Variants in ATP2B2 observed in about 807,000 individuals in gnomAD.
ATP2B2 encodes the protein ATPase plasma membrane Ca2+ transporting 2, also known as plasma membrane calcium-transporting ATPase 2.
ATP2B2 carries 15 observed loss-of-function variants against 120.0 expected under a neutral mutation model. The observed-to-expected ratio is 0.12, with a 90% CI of 0.08 to 0.19. ATP2B2 has a LOEUF of 0.19. ATP2B2 is among the 10% of genes least tolerant of loss of function. The pLI, the probability that ATP2B2 is intolerant of heterozygous loss-of-function variation, is 1.00. For missense variants in ATP2B2, 1,045 were observed against 1,719.8 expected (o/e 0.61, Z 6.94); for synonymous variants, 694 against 700.3 (o/e 0.99, Z 0.14).
At chr3:10,468,703 G>A (rs926473418) in intron 1 of ATP2B2, among the ~76,000 whole-genome samples, 4 of 152,226 alleles carry the variant, frequency 2.6e-5, no homozygotes. Context: ...AGACGGTGCT[G>A]GGACCAGGGT....
intron 2 of ATP2B2, among the ~76,000 whole-genome samples, chr3:10,617,281 G>A (rs1164605101): frequency 6.6e-6 from 1 of 152,196 alleles, no homozygotes; most frequent in African/African-American, 2.4e-5. Context: ...AGTAGGTTAT[G>A]CCACTCTCAG....
At chr3:10,480,849 C>G (rs1046814133) in intron 1 of ATP2B2, among the ~76,000 whole-genome samples, 16 of 152,232 alleles carry the variant, frequency 1.1e-4, no homozygotes, top group Admixed American at 1.0e-3. Flanking sequence ...ACATCATTGT[C>G]CTGCTTAAAA....
In ATP2B2 at chr3:10,338,181, T is replaced by C. The variant is rs774850425; in HGVS notation, c.3415A>G (p.Thr1139Ala). 6.2e-7 allele frequency: 1 copy of C among 1,613,874 alleles called. No homozygotes were observed. Among genetic ancestry groups the C allele is most frequent in the African/African-American group, 1.3e-5 (1 of 74,910 alleles). Reference protein sequence around the residue: ...LWFRGLNRIQTQIRVVKAFRS... With the variant: ...LWFRGLNRIQAQIRVVKAFRS... The stretch of plus-strand genomic sequence containing the variant: ...CCCCCAAGAGCCTCCTGTACCTGTG[T>C]CTGGATCCGATTCAGGCCTCGGAAC... The change falls in exon 22 of 23, where the codon ACA becomes GCA. Residue 1139 changes from threonine to alanine, a missense_variant. Thr to Ala is a moderately conservative substitution (Grantham distance 58, BLOSUM62 0). This residue lies in a region of ATP2B2 where 211 missense variants were observed against 385.1 expected (regional missense o/e 0.55). Transcript: ENST00000360273.
intron 16 of ATP2B2, among the ~76,000 whole-genome samples, chr3:10,348,965 C>T (rs373550045): frequency 6.6e-6 from 1 of 152,208 alleles, no homozygotes; most frequent in African/African-American, 2.4e-5. Flanking sequence ...GTTTCTCTCC[C>T]CAGGCCAGAT....
intron 2 of ATP2B2, among the ~76,000 whole-genome samples, chr3:10,416,403 G>T (rs1206825443): frequency 1.3e-5 from 2 of 152,064 alleles, no homozygotes; most frequent in Non-Finnish European, 2.9e-5. Context: ...GCCAATTCTG[G>T]CTCCTGCAAA....
chr3:10,569,822 T>G (rs996890941), intron 2 of ATP2B2, among the ~76,000 whole-genome samples: 1 of 152,172 alleles, frequency 6.6e-6, no homozygotes, highest in Non-Finnish European at 1.5e-5. Context: ...GTTCACAGCA[T>G]AGACTGCTCT....
At chr3:10,437,730 T>G (rs746370250) in intron 2 of ATP2B2, among the ~76,000 whole-genome samples, 2 of 152,180 alleles carry the variant, frequency 1.3e-5, no homozygotes, top group Non-Finnish European at 2.9e-5. Flanking sequence ...TATGTTGAAG[T>G]CCTAACCCTC....
intron 2 of ATP2B2, among the ~76,000 whole-genome samples, chr3:10,422,668 G>C (rs2063023427): frequency 6.6e-6 from 1 of 152,248 alleles, no homozygotes; most frequent in African/African-American, 2.4e-5. Flanking sequence ...CACAACTGTG[G>C]ATGTGGCACT....
At chr3:10,407,508 A>G (rs1461288442) in intron 3 of ATP2B2, among the ~76,000 whole-genome samples, 4 of 152,000 alleles carry the variant, frequency 2.6e-5, no homozygotes, top group Non-Finnish European at 5.9e-5. Flanking sequence ...TGTTCTGTGC[A>G]CAGGGCTGCC....
chr3:10,396,465 C>T (rs1052490048), intron 5 of ATP2B2, among the ~76,000 whole-genome samples: 1 of 152,236 alleles, frequency 6.6e-6, no homozygotes, highest in Admixed American at 6.5e-5. Flanking sequence ...AGGGCTTTCT[C>T]AACCACCATA....
chr3:10,349,231 C>G (rs755709607), intron 16 of ATP2B2, among the ~76,000 whole-genome samples: 12 of 152,266 alleles, frequency 7.9e-5, no homozygotes, highest in Non-Finnish European at 1.0e-4. Context: ...GGCAGGAGGA[C>G]TGCTTGAGGC....
intron 2 of ATP2B2, among the ~76,000 whole-genome samples, chr3:10,431,056 G>T (rs796979926): frequency 6.6e-6 from 1 of 152,052 alleles, no homozygotes; most frequent in South Asian, 2.1e-4. Flanking sequence ...AGATATGAGT[G>T]AATTGCTGCA....
chr3:10,361,667 C>A (rs1443514512), intron 12 of ATP2B2, among the ~76,000 whole-genome samples: 1 of 152,246 alleles, frequency 6.6e-6, no homozygotes, highest in Non-Finnish European at 1.5e-5. Context: ...CTCTGCTGCT[C>A]CTCCCAGGTG....
At chr3:10,708,063 C>G (rs1296030648), upstream of ATP2B2, 1 of 143,184 alleles carries the variant, frequency 7.0e-6, no homozygotes, top group Non-Finnish European at 1.6e-5. Context: ...CCCGCCGCCG[C>G]CCGCCCGCCT....
At chr3:10,691,051 C>T (rs936282827) in intron 1 of ATP2B2, among the ~76,000 whole-genome samples, 1 of 152,206 alleles carries the variant, frequency 6.6e-6, no homozygotes, top group Non-Finnish European at 1.5e-5. Flanking sequence ...TCAGGGTGTC[C>T]AGTTCTTTCT....
chr3:10,505,777 C>T (rs1457022074), upstream of ATP2B2: 2 of 7,822 alleles, frequency 2.6e-4, no homozygotes, highest in Non-Finnish European at 2.5e-4. Context: ...GGAGGGGGCA[C>T]GGGGGAGGAG....
At chr3:10,472,724 G>A (rs1023300569) in intron 1 of ATP2B2, among the ~76,000 whole-genome samples, 1 of 152,206 alleles carries the variant, frequency 6.6e-6, no homozygotes, top group Admixed American at 6.5e-5. Flanking sequence ...CTACAGACAG[G>A]TAAACATCTC....
intron 5 of ATP2B2, chr3:10,394,479 C>T (rs938556548): frequency 1.7e-5 from 8 of 471,078 alleles, no homozygotes; most frequent in African/African-American, 4.0e-5. Context: ...GTGGTGGAGC[C>T]GGGACTTGAA....
In ATP2B2 at chr3:10,350,591, C is replaced by T. The variant is rs2060551727; in HGVS notation, c.2137-14G>A. The T allele has an allele frequency of 1.9e-6, 3 of 1,609,578 alleles. No homozygotes were observed. Among genetic ancestry groups the T allele is most frequent in the Non-Finnish European group, 2.5e-6 (3 of 1,179,410 alleles). ...GGCTTCTGGGACCTGGGCAGGAGGGCAGGGGCCATGGGGGAGGGCACCACC... is the reference window on the plus strand; with the variant it reads ...GGCTTCTGGGACCTGGGCAGGAGGGTAGGGGCCATGGGGGAGGGCACCACC... On this transcript the variant is annotated splice_polypyrimidine_tract_variant and intron_variant, in intron 14 of 22. Coordinates refer to ENST00000360273, the MANE Select transcript of ATP2B2 (RefSeq NM_001001331.4).
Sources: allele counts gnomAD v4.1 joint callset (sites outside exome capture counted in the v4.1 genomes callset), GRCh38; gene constraint gnomAD v4.1.1; regional missense constraint gnomAD v4.1.1; transcripts MANE v1.5; gene names NCBI Gene and HGNC (gene_info 2026-07-23, HGNC 2026-07-21).